The following NOL4L variants were observed in gnomAD, a reference collection of about 807,000 sequenced individuals.
NOL4L encodes nucleolar protein 4-like.
Under a neutral mutation model 64.5 loss-of-function variants are expected in NOL4L, and 7 were observed. That is an observed-to-expected ratio of 0.11 (90% CI 0.06 to 0.20). The LOEUF is 0.20. Ranked by LOEUF, NOL4L falls within the 10% of genes least tolerant of loss-of-function variation. The probability of loss-of-function intolerance (pLI) is 1.00; values close to 1 mark genes in which losing one functional copy is unlikely to be tolerated. For synonymous variants in NOL4L, 413 were observed against 401.0 expected, an observed-to-expected ratio of 1.03 and a Z score of -0.36; for missense variants, 680 against 967.1, an observed-to-expected ratio of 0.70 and a Z score of 3.94.
chr20:32,548,246 C>T (rs1309522619), intron 1 of NOL4L, among the ~76,000 whole-genome samples: 1 of 152,196 alleles, frequency 6.6e-6, no homozygotes, highest in African/African-American at 2.4e-5. Flanking sequence ...AGCCCCTAAA[C>T]CAGACCACAT....
intron 5 of NOL4L, among the ~76,000 whole-genome samples, chr20:32,467,852 G>A (rs2014684229): frequency 6.6e-6 from 1 of 152,216 alleles, no homozygotes; most frequent in African/African-American, 2.4e-5. Flanking sequence ...CCAGGGAGGA[G>A]GCACACAGGG....
chr20:32,456,259 C>A lies in NOL4L; in HGVS notation c.978G>T (p.Thr326=). Residue 326 remains threonine (T), a synonymous_variant, in exon 6 of 11, where the codon ACG becomes ACT. Transcript: ENST00000621426. ...GGTTGATGGGCTGATCCTCGGCGGC[C>A]GTGGTGAAGTCCATGGGGGCCACGG... ...NGAVAPMDFT[T]AAEDQPINLC... 2 of 1,603,220 alleles carry A rather than the reference C, an allele frequency of 1.2e-6. No homozygotes were observed. The highest frequency in any genetic ancestry group is 1.7e-6 in the Non-Finnish European group (2 of 1,175,090).
chr20:32,573,984 G>A (rs1220969123), intron 1 of NOL4L: 1 of 152,420 alleles, frequency 6.6e-6, no homozygotes, highest in Non-Finnish European at 1.5e-5. Flanking sequence ...CCCCAAGATG[G>A]AGCAGCAGCC....
chr20:32,565,484 G>A (rs1444466586), intron 1 of NOL4L, among the ~76,000 whole-genome samples: 11 of 152,174 alleles, frequency 7.2e-5, no homozygotes, highest in African/African-American at 2.7e-4. Flanking sequence ...ATGGTAGGGG[G>A]TGTAAGGGCA....
At chr20:32,568,247 C>T (rs1481117796) in intron 1 of NOL4L, among the ~76,000 whole-genome samples, 2 of 152,164 alleles carry the variant, frequency 1.3e-5, no homozygotes, top group African/African-American at 4.8e-5. Context: ...TCTGCCAGGG[C>T]AAGAACCACA....
chr20:32,500,688 T>C (rs1366996875), intron 4 of NOL4L, among the ~76,000 whole-genome samples: 2 of 151,710 alleles, frequency 1.3e-5, no homozygotes, highest in Non-Finnish European at 2.9e-5. Context: ...GGGCAGGAAA[T>C]ATGCAAGATG....
chr20:32,462,553 G>C (rs199588412), intron 5 of NOL4L, among the ~76,000 whole-genome samples: 2 of 152,046 alleles, frequency 1.3e-5, no homozygotes, highest in East Asian at 3.9e-4. Flanking sequence ...GGAAAAGAGA[G>C]ACTGGGGGCA....
chr20:32,560,202 G>A (rs1437921873), intron 1 of NOL4L, among the ~76,000 whole-genome samples: 3 of 152,224 alleles, frequency 2.0e-5, no homozygotes, highest in African/African-American at 4.8e-5. Flanking sequence ...GGCACCAATC[G>A]TGGCCTGCTG....
At chr20:32,509,849 TTG>T (rs763046463) in intron 4 of NOL4L, 112 of 1,304,154 alleles carry the variant, frequency 8.6e-5, no homozygotes, top group Non-Finnish European at 1.1e-4. Flanking sequence ...TTCCGGCTGT[TTG>T]TGCGGTTTTG....
rs182260308 is a variant in NOL4L at position 32,453,563 on chromosome 20, G to A, written c.1305+13C>T. 5,194 of 1,613,786 alleles carry A rather than the reference G, an allele frequency of 3.2e-3. 52 individuals carry two copies. Among genetic ancestry groups the A allele is most frequent in the African/African-American group, 0.022 (1,632 of 75,026 alleles). ...CCCCCATCCCACCCCACCTGTTTCC[G>A]GCCGGTGCTCACGTTGAAGGCCTTA... On this transcript the variant is annotated intron_variant, in intron 7 of 10. Coordinates refer to ENST00000621426, the MANE Select transcript of NOL4L (RefSeq NM_001256798.2). This position sits in a 1 kb window ranked among gnomAD's most constrained non-coding sequence, Gnocchi z 5.6.
At chr20:32,472,276 CA>C (rs1156846376) in intron 5 of NOL4L, among the ~76,000 whole-genome samples, 1 of 152,242 alleles carries the variant, frequency 6.6e-6, no homozygotes, top group African/African-American at 2.4e-5. Context: ...AACCGAGTCC[CA>C]GGGGCAGGGC....
At chr20:32,545,950 CTT>C (rs11327665) in intron 1 of NOL4L, among the ~76,000 whole-genome samples, 44 of 133,820 alleles carry the variant, frequency 3.3e-4, no homozygotes, top group African/African-American at 4.8e-4. Context: ...TCTTTCTTTT[CTT>C]TTTTTTTTTT....
chr20:32,497,836 T>A (rs1299140409), intron 4 of NOL4L, among the ~76,000 whole-genome samples: 1 of 152,082 alleles, frequency 6.6e-6, no homozygotes, highest in African/African-American at 2.4e-5. Flanking sequence ...CAGAGCCACT[T>A]CCCCCCTTCA....
chr20:32,499,218 T>C (rs567966346), intron 4 of NOL4L, among the ~76,000 whole-genome samples: 5 of 152,264 alleles, frequency 3.3e-5, no homozygotes, highest in Admixed American at 2.0e-4. Flanking sequence ...TTTTGCATGA[T>C]ACCATTTTAG....
chr20:32,520,488 T>C (rs529395583), intron 3 of NOL4L, among the ~76,000 whole-genome samples: 3 of 152,178 alleles, frequency 2.0e-5, no homozygotes, highest in Admixed American at 2.0e-4. Flanking sequence ...GGATGGAACT[T>C]TGAGAACGGG....
intron 2 of NOL4L, among the ~76,000 whole-genome samples, chr20:32,522,175 A>C (rs2017968877): frequency 1.3e-5 from 2 of 152,224 alleles, no homozygotes; most frequent in South Asian, 4.1e-4. Context: ...CAGCTCAGGC[A>C]CAGCTTCCAG....
At chr20:32,452,853 C>T (rs372537802) in intron 9 of NOL4L, 31 bp downstream of exon 9, 32 of 1,611,350 alleles carry the variant, frequency 2.0e-5, no homozygotes, top group Middle Eastern at 1.7e-4. Flanking sequence ...TGCCCAGGAG[C>T]GGCCCCTGTA....
intron 1 of NOL4L, chr20:32,535,704 C>CT (rs2018498875): frequency 4.1e-6 from 4 of 985,232 alleles, no homozygotes; most frequent in Non-Finnish European, 4.8e-6. Flanking sequence ...AGCTCTGAGT[C>CT]TTTTTTCTCT....
intron 5 of NOL4L, among the ~76,000 whole-genome samples, chr20:32,473,333 C>A (rs1352069732): frequency 6.6e-6 from 1 of 152,166 alleles, no homozygotes; most frequent in Non-Finnish European, 1.5e-5. Context: ...CTTGTCCCAG[C>A]CCCAGAGCCC....
Sources: allele counts gnomAD v4.1 joint callset (sites outside exome capture counted in the v4.1 genomes callset), GRCh38; gene constraint gnomAD v4.1.1; non-coding constraint Gnocchi (gnomAD v3.1); transcripts MANE v1.5; gene names NCBI Gene and HGNC (gene_info 2026-07-23, HGNC 2026-07-21).